CSNK2A2IP: variants seen among roughly 807,000 people sequenced by gnomAD.
CSNK2A2IP encodes the protein casein kinase II subunit alpha'-interacting protein.
At chr3:88,466,853 C>G in the CSNK2A2IP span, 26 of 1,073,922 alleles carry the variant, frequency 2.4e-5, no homozygotes, top group African/African-American at 3.1e-4. Flanking sequence ...CCTCATTGTG[C>G]AACACTTTCT....
At chr3:88,412,081 G>A in the CSNK2A2IP span, among the ~76,000 whole-genome samples, 2 of 151,828 alleles carry the variant, frequency 1.3e-5, no homozygotes, top group Non-Finnish European at 2.9e-5. Flanking sequence ...TGAATTAGGA[G>A]AGTTTGGTGT....
the CSNK2A2IP span, among the ~76,000 whole-genome samples, chr3:88,373,775 G>T: frequency 6.6e-6 from 1 of 151,018 alleles, no homozygotes; most frequent in African/African-American, 2.4e-5. Flanking sequence ...AGAAAACACA[G>T]ATTACCAATA....
At chr3:88,342,162 T>A in the CSNK2A2IP span, among the ~76,000 whole-genome samples, 1 of 152,008 alleles carries the variant, frequency 6.6e-6, no homozygotes, top group Non-Finnish European at 1.5e-5. Context: ...GGTATATGCC[T>A]TCAGAGTTCG....
the CSNK2A2IP span, among the ~76,000 whole-genome samples, chr3:88,428,538 G>A: frequency 6.6e-6 from 1 of 152,100 alleles, no homozygotes; most frequent in South Asian, 2.1e-4. Context: ...GTTGCGGGAG[G>A]GACTCAGTTG....
At chr3:88,371,412 T>A in the CSNK2A2IP span, among the ~76,000 whole-genome samples, 1 of 151,628 alleles carries the variant, frequency 6.6e-6, no homozygotes, top group Non-Finnish European at 1.5e-5. Context: ...TTACCATAAC[T>A]GAAAATAAAA....
the CSNK2A2IP span, among the ~76,000 whole-genome samples, chr3:88,346,685 T>C: frequency 1.3e-5 from 2 of 152,146 alleles, no homozygotes; most frequent in Non-Finnish European, 2.9e-5. Flanking sequence ...TTTCACAATA[T>C]TTTCAAAACG....
the CSNK2A2IP span, among the ~76,000 whole-genome samples, chr3:88,415,662 A>G: frequency 6.6e-6 from 1 of 152,060 alleles, no homozygotes; most frequent in Non-Finnish European, 1.5e-5. Context: ...TATTCAGTTT[A>G]CATACATGAT....
At chr3:88,376,489 T>C in the CSNK2A2IP span, among the ~76,000 whole-genome samples, 1,505 of 151,820 alleles carry the variant, frequency 9.9e-3, 22 homozygotes, top group African/African-American at 0.035. Context: ...AAGAGAAAAA[T>C]TCCCCTCCCA....
At chr3:88,391,803 GCCTT>G in the CSNK2A2IP span, among the ~76,000 whole-genome samples, 6 of 152,196 alleles carry the variant, frequency 3.9e-5, no homozygotes, top group African/African-American at 1.4e-4. Context: ...AATCTGGTAA[GCCTT>G]GTTGGAGATC....
At chr3:88,357,403 G>A in the CSNK2A2IP span, among the ~76,000 whole-genome samples, 1 of 151,920 alleles carries the variant, frequency 6.6e-6, no homozygotes, top group South Asian at 2.1e-4. Context: ...TTTTATTCAT[G>A]GGTTCTGTTC....
At chr3:88,394,914 C>T in the CSNK2A2IP span, among the ~76,000 whole-genome samples, 1 of 152,120 alleles carries the variant, frequency 6.6e-6, no homozygotes, top group African/African-American at 2.4e-5. Context: ...AGAGGAGCAG[C>T]AAAGACTGCA....
the CSNK2A2IP span, among the ~76,000 whole-genome samples, chr3:88,339,502 C>G: frequency 6.6e-6 from 1 of 152,000 alleles, no homozygotes; most frequent in Non-Finnish European, 1.5e-5. Flanking sequence ...CTGTAATAAA[C>G]ATGGGAGTGC....
At chr3:88,450,549 T>G in the CSNK2A2IP span, among the ~76,000 whole-genome samples, 2 of 152,196 alleles carry the variant, frequency 1.3e-5, no homozygotes, top group Admixed American at 1.3e-4. Context: ...TAATTTTCTT[T>G]CTGTGTTTGG....
chr3:88,376,875 C>T, the CSNK2A2IP span, among the ~76,000 whole-genome samples: 1 of 151,802 alleles, frequency 6.6e-6, no homozygotes, highest in Non-Finnish European at 1.5e-5. Flanking sequence ...AACCACTCTG[C>T]AGCACTCAAT....
the CSNK2A2IP span, among the ~76,000 whole-genome samples, chr3:88,422,548 C>T: frequency 6.6e-6 from 1 of 152,174 alleles, no homozygotes; most frequent in African/African-American, 2.4e-5. Context: ...TCTCAGCTTT[C>T]TATTGTAGGG....
chr3:88,449,589 AATCCTCCTGTT>A, the CSNK2A2IP span, among the ~76,000 whole-genome samples: 1 of 151,004 alleles, frequency 6.6e-6, no homozygotes, highest in East Asian at 2.0e-4. Flanking sequence ...TTGCTCAACT[AATCCTCCTGTT>A]ATTTGGATTG....
the CSNK2A2IP span, among the ~76,000 whole-genome samples, chr3:88,360,383 T>C: frequency 6.6e-6 from 1 of 152,180 alleles, no homozygotes; most frequent in East Asian, 1.9e-4. Context: ...TCCACCCGCC[T>C]CGGCCTCCCA....
chr3:88,379,018 C>T, the CSNK2A2IP span, among the ~76,000 whole-genome samples: 139 of 152,032 alleles, frequency 9.1e-4, no homozygotes, highest in African/African-American at 3.1e-3. Flanking sequence ...AGGTAAAATG[C>T]TTTCATTTCA....
the CSNK2A2IP span, among the ~76,000 whole-genome samples, chr3:88,411,546 C>G: frequency 6.6e-6 from 1 of 151,822 alleles, no homozygotes; most frequent in African/African-American, 2.4e-5. Context: ...CTCTGCTCAG[C>G]CACTAAATCA....
Sources: gnomAD v4.1 joint callset for allele counts (sites outside exome capture counted in the v4.1 genomes callset) on GRCh38, gnomAD v4.1.1 for gene constraint, MANE v1.5 for transcripts, NCBI Gene and HGNC (gene_info 2026-07-23, HGNC 2026-07-21) for gene names.